The following NRXN3 variants were observed in gnomAD, a reference collection of about 807,000 sequenced individuals.
NRXN3 encodes neurexin 3, also known as neurexin III.
In NRXN3, 32 loss-of-function variants were observed where a neutral mutation model predicts 137.6. That is an observed-to-expected ratio of 0.23 (90% CI 0.18 to 0.31). The LOEUF is 0.31. Ranked by LOEUF, NRXN3 falls within the 10% of genes least tolerant of loss-of-function variation. The probability of loss-of-function intolerance (pLI) is 1.00; values close to 1 mark genes in which losing one functional copy is unlikely to be tolerated. For missense variants in NRXN3, 1,574 were observed against 2,062.5 expected, an observed-to-expected ratio of 0.76 and a Z score of 4.59; for synonymous variants, 798 against 784.5, an observed-to-expected ratio of 1.02 and a Z score of -0.29.
intron 10 of NRXN3, among the ~76,000 whole-genome samples, chr14:78,921,226 T>TC (rs2099270208): frequency 6.6e-6 from 1 of 152,204 alleles, no homozygotes; most frequent in Non-Finnish European, 1.5e-5. Context: ...GAAAGATTTT[T>TC]TTGTTGTTGT....
At chr14:79,600,711 C>T (rs556320458) in intron 16 of NRXN3, among the ~76,000 whole-genome samples, 4 of 152,172 alleles carry the variant, frequency 2.6e-5, no homozygotes, top group East Asian at 1.9e-4. Flanking sequence ...CCCCTGGCAA[C>T]GCGAAATACC....
rs189124886 is a variant in NRXN3, at chr14:79,487,087, G to T, written c.3444+19685G>T. ...CAAATCCTGATCCTATCACTGAATA[G>T]CAGACTTTAGGCAAATTATTTATCT... On this transcript the variant is annotated intron_variant, in intron 16 of 20. Coordinates refer to ENST00000335750, the MANE Select transcript of NRXN3 (RefSeq NM_001330195.2). 1.8e-3 allele frequency among the ~76,000 whole-genome samples: 271 copies of T among 152,078 alleles called. 1 individual carries two copies. The highest frequency in any genetic ancestry group is 3.3e-3 in the Admixed American group (50 of 15,284).
intron 15 of NRXN3, among the ~76,000 whole-genome samples, chr14:79,285,718 T>C (rs575456564): frequency 5.2e-4 from 79 of 152,254 alleles, no homozygotes; most frequent in Admixed American, 1.8e-3. Flanking sequence ...AAAAGCCTCA[T>C]TTTAACTTAA....
chr14:78,252,680 G>T (rs1246061007), intron 2 of NRXN3, among the ~76,000 whole-genome samples: 1 of 152,162 alleles, frequency 6.6e-6, no homozygotes, highest in Non-Finnish European at 1.5e-5. Context: ...ATGTAGGACT[G>T]GTGTCTCCAC....
chr14:79,059,065 C>T (rs1392878402), intron 15 of NRXN3, among the ~76,000 whole-genome samples: 2 of 151,990 alleles, frequency 1.3e-5, no homozygotes, highest in African/African-American at 2.4e-5. Context: ...CCTGTATATA[C>T]CTGTCTCTCT....
At chr14:78,651,484 C>T (rs11624715) in intron 6 of NRXN3, among the ~76,000 whole-genome samples, 158 bp downstream of exon 6, 26,041 of 152,244 alleles carry the variant, frequency 0.17, 2,405 homozygotes, top group South Asian at 0.24. Context: ...CCTACGTTTT[C>T]ATTCCCGCTT....
chr14:79,473,978 G>GGT (rs2096537626), intron 16 of NRXN3, among the ~76,000 whole-genome samples: 1 of 152,080 alleles, frequency 6.6e-6, no homozygotes, highest in Non-Finnish European at 1.5e-5. Flanking sequence ...CAGGGGAGCT[G>GGT]GTGTGTGTTT....
intron 16 of NRXN3, among the ~76,000 whole-genome samples, chr14:79,663,247 C>CGTGTGTGTGTACGCGT (rs2098543021): frequency 6.7e-6 from 1 of 149,470 alleles, no homozygotes; most frequent in African/African-American, 2.5e-5. Context: ...TGTGTGTACG[C>CGTGTGTGTGTACGCGT]GTGTGTGTGT....
intron 15 of NRXN3, among the ~76,000 whole-genome samples, chr14:79,098,821 T>C (rs1487707677): frequency 6.6e-6 from 1 of 152,130 alleles, no homozygotes; most frequent in African/African-American, 2.4e-5. Flanking sequence ...CAATTTGACA[T>C]TCAAAGGCCA....
chr14:78,915,507 T>C (rs1597346285), intron 10 of NRXN3, among the ~76,000 whole-genome samples: 1 of 152,106 alleles, frequency 6.6e-6, no homozygotes, highest in Admixed American at 6.6e-5. Flanking sequence ...ATGAGAAATA[T>C]TCTAGATACT....
rs575417560 is a variant in NRXN3 at position 78,738,213 on chromosome 14, A to G, written c.2044+23074A>G. ...ATTTATGATTTACTGAGCATCGACT[A>G]TGTGCCATACATTGTGCTAAGCACT... On this transcript the variant is annotated intron_variant, in intron 8 of 20. Transcript: ENST00000335750. 5.3e-5 allele frequency among the ~76,000 whole-genome samples: 8 copies of G among 152,324 alleles called. No homozygotes were observed. In the South Asian group the frequency reaches 1.5e-3, roughly 28 times the overall value.
chr14:78,325,051 T>C (rs1168305846), intron 4 of NRXN3, among the ~76,000 whole-genome samples: 7 of 151,812 alleles, frequency 4.6e-5, no homozygotes, highest in Non-Finnish European at 7.4e-5. Flanking sequence ...CCGAGGCAGG[T>C]AGGAACAATG....
intron 15 of NRXN3, among the ~76,000 whole-genome samples, chr14:79,013,188 C>T (rs2099573953): frequency 6.6e-6 from 1 of 152,128 alleles, no homozygotes; most frequent in South Asian, 2.1e-4. Context: ...TTGCTTAAAG[C>T]CCATCACTGC....
rs1020417913 is a variant in NRXN3 at position 78,799,959 on chromosome 14, C to T, written c.2045-3661C>T. 3.3e-5 allele frequency among the ~76,000 whole-genome samples: 5 copies of T among 151,792 alleles called. 1 individual carries two copies. The highest frequency in any genetic ancestry group is 4.2e-4 in the South Asian group (2 of 4,812). ...ACTACAATTCAAGATGAGGTTGGGG[C>T]GGGGACACAGCCAAATCATATCAAT... On this transcript the variant is annotated intron_variant, in intron 8 of 20. Transcript: ENST00000335750.
intron 20 of NRXN3, 104 bp downstream of exon 20, chr14:79,805,294 G>A (rs2099199866): frequency 1.2e-5 from 7 of 602,632 alleles, no homozygotes; most frequent in Non-Finnish European, 1.7e-5. Flanking sequence ...AGATTATAGT[G>A]TGTTAATGTG....
At chr14:79,469,192 C>G (rs183213393) in intron 16 of NRXN3, among the ~76,000 whole-genome samples, 79 of 152,282 alleles carry the variant, frequency 5.2e-4, no homozygotes, top group Admixed American at 4.8e-3. Context: ...ACATGAGCAT[C>G]TTTTTGAGTC....
intron 4 of NRXN3, among the ~76,000 whole-genome samples, chr14:78,331,671 G>A (rs1314892427): frequency 6.6e-5 from 10 of 152,216 alleles, no homozygotes; most frequent in African/African-American, 2.4e-4. Context: ...GGATGTGTGA[G>A]TTGAGGAGGA....
At chr14:78,491,210 G>A (rs554042904) in intron 4 of NRXN3, among the ~76,000 whole-genome samples, 1 of 152,274 alleles carries the variant, frequency 6.6e-6, no homozygotes, top group Admixed American at 6.5e-5. Context: ...GATGGGAATT[G>A]GGATCAGCTG....
rs1279269567 is a variant in NRXN3 at position 79,643,738 on chromosome 14, C to CT, written c.3445-20038dup. ...CTGCTTAGAATGTTATTTCCTCAAC[C>CT]TTATTTCTGTTTCCTACATTTGTTG... On this transcript the variant is annotated intron_variant, in intron 16 of 20. Transcript: ENST00000335750. Among the ~76,000 whole-genome samples, 3 of 135,072 alleles carry CT rather than the reference C, an allele frequency of 2.2e-5. 1 individual carries two copies. The highest frequency in any genetic ancestry group is 5.2e-5 in the Non-Finnish European group (3 of 58,108). The allele number at this position is 135,072 out of a possible 152,430, so 88.6% of individuals were successfully genotyped here.
Sources: gnomAD v4.1 joint callset for allele counts (sites outside exome capture counted in the v4.1 genomes callset) on GRCh38, gnomAD v4.1.1 for gene constraint, MANE v1.5 for transcripts, NCBI Gene and HGNC (gene_info 2026-07-23, HGNC 2026-07-21) for gene names.